The following SLC25A36 variants were observed in gnomAD, a reference collection of about 807,000 sequenced individuals.
The protein encoded by SLC25A36 is solute carrier family 25 member 36.
Under a neutral mutation model 35.3 loss-of-function variants are expected in SLC25A36, and 24 were observed. The ratio of observed to expected loss-of-function variants is 0.68; its 90% confidence interval spans 0.49 to 0.96. The LOEUF (loss-of-function observed/expected upper bound fraction) is 0.96. Among genes scored for constraint, SLC25A36 ranks in the 40% least tolerant of loss-of-function variants. The pLI is 0.00. For missense variants in SLC25A36, 294 were observed against 381.1 expected (o/e 0.77, Z 1.90); for synonymous variants, 141 against 132.2 (o/e 1.07, Z -0.46).
At chr3:140,968,795 C>T (rs1934829913) in intron 4 of SLC25A36, 3 of 665,216 alleles carry the variant, frequency 4.5e-6, no homozygotes, top group South Asian at 1.3e-4. Flanking sequence ...AACTTAGGTG[C>T]TCATCTTCTT....
Position 140,971,005 on chromosome 3 carries a change from C to A in SLC25A36, c.452+12C>A. On this transcript the variant is annotated intron_variant, in intron 5 of 6. Transcript: ENST00000324194. Reference sequence around the variant, plus strand: ...CAGCTTGATGCAAGGTATGTTAATTCCTTAAAATAAAATTGGTTAAAGTGG... The same window carrying A: ...CAGCTTGATGCAAGGTATGTTAATTACTTAAAATAAAATTGGTTAAAGTGG... The A allele has an allele frequency of 1.6e-6, 2 of 1,241,058 alleles. No homozygotes were observed. Among genetic ancestry groups the A allele is most frequent in the Non-Finnish European group, 1.2e-6 (1 of 847,318 alleles). 76.9% of individuals were successfully genotyped at this position (1,241,058 alleles called of 1,614,324 possible).
chr3:140,968,798 A>T, intron 4 of SLC25A36: 2 of 695,228 alleles, frequency 2.9e-6, no homozygotes, highest in Non-Finnish European at 3.5e-6. Context: ...TTAGGTGCTC[A>T]TCTTCTTTTC....
At chr3:140,965,519 C>A (rs1234891718) in intron 4 of SLC25A36, 2 of 151,738 alleles carry the variant, frequency 1.3e-5, no homozygotes, top group Non-Finnish European at 3.0e-5. Flanking sequence ...AATTTTTATT[C>A]CAAGTGACCT....
intron 4 of SLC25A36, among the ~76,000 whole-genome samples, chr3:140,967,244 C>T (rs1934784172): frequency 6.6e-6 from 1 of 151,782 alleles, no homozygotes; most frequent in Non-Finnish European, 1.5e-5. Flanking sequence ...AGCCTGGGGT[C>T]TTCAGCTTGG....
chr3:140,950,819 A>G (rs1198624492), intron 1 of SLC25A36, among the ~76,000 whole-genome samples: 1 of 152,052 alleles, frequency 6.6e-6, no homozygotes, highest in African/African-American at 2.4e-5. Flanking sequence ...ACCTAAGTTC[A>G]GAAATGTTGA....
intron 2 of SLC25A36, among the ~76,000 whole-genome samples, 188 bp from the exon 3 acceptor site, chr3:140,959,275 A>G (rs1408956899): frequency 6.6e-6 from 1 of 152,070 alleles, no homozygotes; most frequent in Admixed American, 6.5e-5. Flanking sequence ...CTCAGTGTCC[A>G]AAGTGCTGAA....
At chr3:140,967,919 A>C (rs760633759) in intron 4 of SLC25A36, 42 of 923,108 alleles carry the variant, frequency 4.5e-5, no homozygotes, top group Non-Finnish European at 5.4e-5. Context: ...AGGTGCTCAG[A>C]ATCTTAATAT....
intron 6 of SLC25A36, among the ~76,000 whole-genome samples, chr3:140,975,245 C>G (rs2107819752): frequency 6.6e-6 from 1 of 151,354 alleles, no homozygotes; most frequent in African/African-American, 2.4e-5. Flanking sequence ...GTAGCTGGGA[C>G]TATGAGCTCA....
intron 4 of SLC25A36, chr3:140,968,438 T>C (rs1419852510): frequency 2.0e-6 from 2 of 982,404 alleles, no homozygotes; most frequent in African/African-American, 1.7e-5. Flanking sequence ...TACGTAGGGA[T>C]AAGATAACAT....
intron 3 of SLC25A36, among the ~76,000 whole-genome samples, chr3:140,962,805 A>G (rs1934663230): frequency 6.6e-6 from 1 of 150,790 alleles, no homozygotes; most frequent in South Asian, 2.1e-4. Context: ...TTTTGTTTTT[A>G]TTTTTTTTTA....
chr3:140,977,862 G>A lies in SLC25A36; in HGVS notation c.*1409G>A, dbSNP rs958586928. 1 of 151,730 alleles carries A rather than the reference G, an allele frequency of 6.6e-6. No individual in the cohort carries two copies. Among genetic ancestry groups the A allele is most frequent in the South Asian group, 2.1e-4 (1 of 4,814 alleles). The allele number at this position is 151,730 out of a possible 1,614,324, so 9.4% of individuals were successfully genotyped here. Reference sequence around the variant, plus strand: ...GCTTTATCTAAAAGAATGACGCTTCGTGAAAGCACTTTGTGGCCTTTTTTG... The same window carrying A: ...GCTTTATCTAAAAGAATGACGCTTCATGAAAGCACTTTGTGGCCTTTTTTG... On this transcript the variant is annotated 3_prime_UTR_variant, in exon 7 of 7. Transcript: ENST00000324194.
intron 1 of SLC25A36, among the ~76,000 whole-genome samples, chr3:140,947,272 T>TA (rs1422304702): frequency 2.6e-5 from 4 of 152,112 alleles, no homozygotes; most frequent in Non-Finnish European, 5.9e-5. Flanking sequence ...AGACAACAAA[T>TA]AGACAGTTTT....
chr3:140,953,859 G>T (rs768158037), intron 1 of SLC25A36, among the ~76,000 whole-genome samples: 6 of 152,140 alleles, frequency 3.9e-5, no homozygotes, highest in Non-Finnish European at 7.4e-5. Flanking sequence ...AGTCCCAGCT[G>T]CTAGGGAGGC....
intron 6 of SLC25A36, among the ~76,000 whole-genome samples, 158 bp from the exon 7 acceptor site, chr3:140,976,101 GT>G (rs1161751351): frequency 6.6e-6 from 1 of 152,120 alleles, no homozygotes; most frequent in Non-Finnish European, 1.5e-5. Context: ...GAAGTTTGAT[GT>G]TACTATAATG....
intron 1 of SLC25A36, among the ~76,000 whole-genome samples, chr3:140,944,285 T>A (rs367839791): frequency 2.6e-5 from 4 of 152,218 alleles, no homozygotes; most frequent in African/African-American, 7.2e-5. Context: ...ACATTTCTAA[T>A]AGCCTAGTAG....
intron 6 of SLC25A36, among the ~76,000 whole-genome samples, chr3:140,975,097 C>CTTTTTTG (rs1935004867): frequency 1.8e-5 from 1 of 55,188 alleles, no homozygotes; most frequent in Non-Finnish European, 3.5e-5. Context: ...AAGATACATT[C>CTTTTTTG]TTTTTTTTTT....
At chr3:140,968,588 T>C in intron 4 of SLC25A36, 3 of 932,650 alleles carry the variant, frequency 3.2e-6, no homozygotes, top group Non-Finnish European at 3.8e-6. Context: ...TTTAAAATTA[T>C]AATTTATGGG....
At position 140,973,706 on chromosome 3, in the gene SLC25A36, TG is replaced by T; in HGVS notation, c.453-9del. The T allele has an allele frequency of 6.9e-7, 1 of 1,442,630 alleles. No individual in the cohort carries two copies. Among genetic ancestry groups the T allele is most frequent in the East Asian group, 2.4e-5 (1 of 42,070 alleles). 89.4% of individuals were successfully genotyped at this position (1,442,630 alleles called of 1,614,324 possible). A position where few individuals can be genotyped will look rare whatever the true frequency, so the allele number is the denominator to read the frequency against. On this transcript the variant is annotated splice_polypyrimidine_tract_variant and intron_variant, in intron 5 of 6. Transcript: ENST00000324194. ...AACCTATCAGTAAGATGTTTCTTTTTGCTTTTCAGGAACCGCGGGGAAAGGC... is the reference window on the plus strand; with the variant it reads ...AACCTATCAGTAAGATGTTTCTTTTTCTTTTCAGGAACCGCGGGGAAAGGC...
chr3:140,941,900 C>CT lies in SLC25A36; in HGVS notation c.-154dup. On this transcript the variant is annotated 5_prime_UTR_variant, in exon 1 of 7. Transcript: ENST00000324194. ...CGCGGCTGGAGTGCCGCGGGGAGGGCTGTGCCGGTTGCTTTCTGCAGCCGC... is the reference window on the plus strand; with the variant it reads ...CGCGGCTGGAGTGCCGCGGGGAGGGCTTGTGCCGGTTGCTTTCTGCAGCCGC... The CT allele has an allele frequency of 1.9e-6, 1 of 527,578 alleles. No individual in the cohort carries two copies. Among genetic ancestry groups the CT allele is most frequent in the Non-Finnish European group, 3.4e-6 (1 of 296,434 alleles). The allele number at this position is 527,578 out of a possible 1,614,324, so 32.7% of individuals were successfully genotyped here. A position where few individuals can be genotyped will look rare whatever the true frequency, so the allele number is the denominator to read the frequency against.
Sources: gnomAD v4.1 joint callset for allele counts (sites outside exome capture counted in the v4.1 genomes callset) on GRCh38, gnomAD v4.1.1 for gene constraint, MANE v1.5 for transcripts, NCBI Gene and HGNC (gene_info 2026-07-23, HGNC 2026-07-21) for gene names.